SCMH1: variants seen among roughly 807,000 people sequenced by gnomAD.
The protein encoded by SCMH1 is polycomb protein SCMH1.
SCMH1 carries 37 observed loss-of-function variants against 70.8 expected under a neutral mutation model. The observed-to-expected ratio is 0.52, with a 90% CI of 0.40 to 0.69. The LOEUF is 0.69. Ranked by LOEUF, SCMH1 falls within the 30% of genes least tolerant of loss-of-function variation. The pLI is 0.00. For missense variants in SCMH1, 607 were observed against 827.3 expected, an observed-to-expected ratio of 0.73 and a Z score of 3.27; for synonymous variants, 292 against 307.4, an observed-to-expected ratio of 0.95 and a Z score of 0.52.
At chr1:41,161,373 G>T in exon 3 of SCMH1, 2 of 1,550,396 alleles carry the variant, frequency 1.3e-6, no homozygotes, top group Non-Finnish European at 1.7e-6. Flanking sequence ...CCTTGATATT[G>T]GGATGCAGAC....
chr1:41,145,454 A>C (rs1278113625), intron 5 of SCMH1, among the ~76,000 whole-genome samples: 2 of 152,176 alleles, frequency 1.3e-5, no homozygotes, highest in Non-Finnish European at 2.9e-5. Flanking sequence ...ATTATGTCTT[A>C]AGTACTGTAG....
chr1:41,195,902 C>T (rs192244419), intron 1 of SCMH1, among the ~76,000 whole-genome samples: 211 of 152,210 alleles, frequency 1.4e-3, no homozygotes, highest in African/African-American at 4.4e-3. Context: ...AGTTTAGTTG[C>T]ATTTCTATAT....
intron 10 of SCMH1, among the ~76,000 whole-genome samples, chr1:41,063,534 A>C (rs1454959673): frequency 6.7e-6 from 1 of 148,978 alleles, no homozygotes; most frequent in Admixed American, 6.8e-5. Flanking sequence ...AAGATAAATA[A>C]AATCAATTAT....
In SCMH1 at chr1:41,033,924, T is replaced by C. The variant is rs1644906161; in HGVS notation, c.1678+3438A>G. ...GCCAGGAGGGCAGCCTATCACAAAG[T>C]ACTCTTCTCAGAAACAGGGCCTTGG... On this transcript the variant is annotated intron_variant, in intron 13 of 14. Coordinates refer to ENST00000337495, the Ensembl canonical transcript of SCMH1. 3.7e-6 allele frequency: 6 copies of C among 1,611,078 alleles called. No individual in the cohort carries two copies. In the South Asian group the frequency reaches 6.6e-5, roughly 18 times the overall value.
intron 8 of SCMH1, among the ~76,000 whole-genome samples, chr1:41,100,567 CTTTT>C (rs72221588): frequency 1.6e-5 from 2 of 122,496 alleles, no homozygotes. Context: ...TTTTCTTTTT[CTTTT>C]TTTTTTTTTT....
intron 12 of SCMH1, among the ~76,000 whole-genome samples, chr1:41,042,800 T>C (rs1326816497): frequency 6.6e-6 from 1 of 152,200 alleles, no homozygotes; most frequent in Non-Finnish European, 1.5e-5. Context: ...TCTGTCTCCC[T>C]AGAGTCTAGT....
intron 8 of SCMH1, among the ~76,000 whole-genome samples, chr1:41,086,288 A>G (rs1256259573): frequency 6.6e-6 from 1 of 152,176 alleles, no homozygotes; most frequent in African/African-American, 2.4e-5. Flanking sequence ...TAACTGACAT[A>G]CAAAACTCAA....
intron 4 of SCMH1, among the ~76,000 whole-genome samples, chr1:41,153,432 A>C (rs545214198): frequency 8.5e-5 from 13 of 152,366 alleles, no homozygotes; most frequent in African/African-American, 3.1e-4. Context: ...GTAACTGCTT[A>C]TATTAGCTTA....
intron 2 of SCMH1, among the ~76,000 whole-genome samples, chr1:41,176,367 C>T (rs771043139): frequency 4.9e-4 from 74 of 152,134 alleles, no homozygotes; most frequent in Non-Finnish European, 3.7e-4. Context: ...ACTGAGGTAC[C>T]GGGTTCATCT....
intron 5 of SCMH1, among the ~76,000 whole-genome samples, 155 bp from the exon 6 acceptor site, chr1:41,143,267 A>G (rs550652603): frequency 6.6e-6 from 1 of 152,320 alleles, no homozygotes; most frequent in East Asian, 1.9e-4. Context: ...ACAATGAAAG[A>G]TAAGATGAAG....
At chr1:41,241,179 G>T (rs1415961475) in intron 1 of SCMH1, among the ~76,000 whole-genome samples, 3 of 152,240 alleles carry the variant, frequency 2.0e-5, no homozygotes, top group Non-Finnish European at 1.5e-5. Flanking sequence ...AAATTATCGG[G>T]GGGATTTGGG....
intron 8 of SCMH1, among the ~76,000 whole-genome samples, chr1:41,109,164 A>C (rs1572202576): frequency 6.6e-6 from 1 of 152,202 alleles, no homozygotes; most frequent in East Asian, 1.9e-4. Flanking sequence ...ATATCAACAG[A>C]GCCAAGTCAT....
At chr1:41,146,050 A>C (rs910717837) in intron 5 of SCMH1, among the ~76,000 whole-genome samples, 3 of 152,198 alleles carry the variant, frequency 2.0e-5, no homozygotes, top group African/African-American at 7.2e-5. Flanking sequence ...TTCCAGAAGA[A>C]GGCATTGTTA....
chr1:41,211,317 C>G (rs1268012489), intron 1 of SCMH1, among the ~76,000 whole-genome samples: 4 of 152,070 alleles, frequency 2.6e-5, no homozygotes, highest in Admixed American at 2.6e-4. Flanking sequence ...AACAAATTTA[C>G]AAGAAAAAAA....
intron 1 of SCMH1, among the ~76,000 whole-genome samples, chr1:41,201,112 G>A (rs1439918778): frequency 6.6e-6 from 1 of 152,138 alleles, no homozygotes; most frequent in Non-Finnish European, 1.5e-5. Context: ...AACTACTTGG[G>A]CCATGAAGAT....
chr1:41,052,731 G>C (rs886934875), intron 10 of SCMH1, among the ~76,000 whole-genome samples: 1 of 152,102 alleles, frequency 6.6e-6, no homozygotes, highest in African/African-American at 2.4e-5. Context: ...AGTACATATA[G>C]TATGATTCAT....
intron 2 of SCMH1, among the ~76,000 whole-genome samples, chr1:41,172,205 T>C (rs1439420121): frequency 1.4e-5 from 2 of 145,008 alleles, no homozygotes; most frequent in East Asian, 4.0e-4. Flanking sequence ...AAAAAAACGC[T>C]GTACCAAAAA....
intron 1 of SCMH1, among the ~76,000 whole-genome samples, chr1:41,238,715 C>G (rs1449540561): frequency 6.6e-6 from 1 of 152,164 alleles, no homozygotes; most frequent in African/African-American, 2.4e-5. Context: ...TTTTAGCTAC[C>G]CATACACAGA....
chr1:41,051,802 A>C (rs1648264607), intron 10 of SCMH1, among the ~76,000 whole-genome samples: 1 of 152,228 alleles, frequency 6.6e-6, no homozygotes, highest in South Asian at 2.1e-4. Context: ...AAAAAGTTAC[A>C]GTACGCTAAG....
Sources: allele counts gnomAD v4.1 joint callset (sites outside exome capture counted in the v4.1 genomes callset), GRCh38; gene constraint gnomAD v4.1.1; transcripts MANE v1.5; gene names NCBI Gene and HGNC (gene_info 2026-07-23, HGNC 2026-07-21).